The following MEGF6 variants were observed in gnomAD, a reference collection of about 807,000 sequenced individuals.
The protein encoded by MEGF6 is multiple EGF like domains 6.
In MEGF6, 184 loss-of-function variants were observed where a neutral mutation model predicts 207.1. That is an observed-to-expected ratio of 0.89 (90% CI 0.79 to 1.00). The LOEUF (loss-of-function observed/expected upper bound fraction) is 1.00, where lower values mean the gene tolerates loss of function less well. Ranked by LOEUF, MEGF6 falls within the 50% of genes least tolerant of loss-of-function variation. MEGF6 has a pLI of 0.00. For missense variants in MEGF6, 2,282 were observed against 2,202.9 expected, an observed-to-expected ratio of 1.04 and a Z score of -0.72; for synonymous variants, 1,038 against 910.0, an observed-to-expected ratio of 1.14 and a Z score of -2.53.
At position 3,498,469 on chromosome 1, in the gene MEGF6, C is replaced by T. The variant is rs1640707905; in HGVS notation, c.3254G>A (p.Cys1085Tyr). 1 of 1,583,700 alleles carries T rather than the reference C, an allele frequency of 6.3e-7. No homozygotes were observed. The highest frequency in any genetic ancestry group is 1.1e-5 in the South Asian group (1 of 87,996). Residue 1085 changes from cysteine (C) to tyrosine (Y), a missense_variant, in exon 26 of 37, where the codon TGC (cysteine) becomes TAC (tyrosine). Cys to Tyr is a radical substitution (Grantham distance 194). Coordinates refer to ENST00000356575, the MANE Select transcript of MEGF6 (RefSeq NM_001409.4). ...ECLPRDVRAG[C>Y]RHSGGCLNGG... ...GTTGAGGCAACCGCCGCTGTGCCGG[C>T]AGCCAGCTCTGACGTCCCGGGGGAG...
chr1:3,518,131 CTG>C (rs1410793883), intron 5 of MEGF6, among the ~76,000 whole-genome samples: 1 of 152,174 alleles, frequency 6.6e-6, no homozygotes, highest in Middle Eastern at 3.2e-3. Flanking sequence ...CTAAAAAATC[CTG>C]TGTTGGAGCC....
In MEGF6 at chr1:3,490,934, G is replaced by A. The variant is rs1640331075; in HGVS notation, c.4542C>T (p.Asn1514=). 1.9e-6 allele frequency: 3 copies of A among 1,601,592 alleles called. No homozygotes were observed. Among genetic ancestry groups the A allele is most frequent in the Non-Finnish European group, 2.6e-6 (3 of 1,175,692 alleles). The change falls in exon 36 of 37, where the codon AAC becomes AAT. Residue 1514 remains asparagine, a synonymous_variant. Coordinates refer to ENST00000356575, the MANE Select transcript of MEGF6 (RefSeq NM_001409.4). The part of the protein sequence containing the change: ...REGGPLRLPE[N]PSLAQGSAGT... ...TACCTGAGCCCTGGGCTAAGGACGG[G>A]TTCTCGGGGAGCCGGAGGGGCCCAC...
At chr1:3,543,493 G>A (rs1183309309) in intron 4 of MEGF6, among the ~76,000 whole-genome samples, 1 of 152,236 alleles carries the variant, frequency 6.6e-6, no homozygotes, top group African/African-American at 2.4e-5. Context: ...CCTGGCCTTT[G>A]GCAGGGCCCC....
rs769202592 is a variant in MEGF6 at position 3,501,063 on chromosome 1, G to A, written c.2478C>T (p.Cys826=). The stretch of plus-strand genomic sequence containing the variant: ...CATTGGCACAAGAGCACCTTGTCTG[G>A]CAGCTGGGACCATACCAGCCTGCTG... The part of the protein sequence containing the change: ...VCPAGWYGPS[C]QTRCSCANDG... Residue 826 remains cysteine, a synonymous_variant, in exon 20 of 37, where the codon TGC becomes TGT. Transcript: ENST00000356575. 1 of 1,612,760 alleles carries A rather than the reference G, an allele frequency of 6.2e-7. No individual in the cohort carries two copies. Among genetic ancestry groups the A allele is most frequent in the Non-Finnish European group, 8.5e-7 (1 of 1,179,942 alleles).
chr1:3,544,818 G>A (rs757948974), intron 4 of MEGF6, among the ~76,000 whole-genome samples: 9 of 152,222 alleles, frequency 5.9e-5, no homozygotes, highest in Non-Finnish European at 8.8e-5. Context: ...GGAGACAAGC[G>A]GGCTTGGGCC....
intron 6 of MEGF6, 136 bp from the exon 7 acceptor site, chr1:3,514,808 G>T: frequency 9.5e-7 from 1 of 1,055,980 alleles, no homozygotes; most frequent in Non-Finnish European, 1.3e-6. Flanking sequence ...GGGCTGGGCA[G>T]CGGGTCTCCC....
At chr1:3,531,018 AGGGAGCGCGCCG>A (rs985582518) in intron 4 of MEGF6, 1 of 1,428,472 alleles carries the variant, frequency 7.0e-7, no homozygotes, top group South Asian at 1.5e-5. Flanking sequence ...CAGGAAACAA[AGGGAGCGCGCCG>A]GGGAGCGCCC....
At position 3,565,297 on chromosome 1, in the gene MEGF6, G is replaced by A. The variant is rs903350710; in HGVS notation, c.481+14528C>T. Among the ~76,000 whole-genome samples, 3 of 150,172 alleles carry A rather than the reference G, an allele frequency of 2.0e-5. No individual in the cohort carries two copies. Among genetic ancestry groups the A allele is most frequent in the East Asian group, 1.9e-4 (1 of 5,152 alleles). On this transcript the variant is annotated intron_variant, in intron 4 of 36. Coordinates refer to ENST00000356575, the MANE Select transcript of MEGF6 (RefSeq NM_001409.4). This position sits in a 1 kb window ranked among gnomAD's most constrained non-coding sequence, Gnocchi z 4.8. ...CATCAGCAGTGGGTGAGAAACACACGTGCAGAGCCCATCCCCAGACCCCAC... is the reference window on the plus strand; with the variant it reads ...CATCAGCAGTGGGTGAGAAACACACATGCAGAGCCCATCCCCAGACCCCAC...
upstream of MEGF6, among the ~76,000 whole-genome samples, chr1:3,612,599 G>A (rs933579651): frequency 3.3e-5 from 5 of 152,162 alleles, no homozygotes; most frequent in Admixed American, 2.0e-4. Flanking sequence ...CAGCCATGCC[G>A]GTCCCTGCTA....
the MEGF6 span, among the ~76,000 whole-genome samples, chr1:3,617,155 C>T: frequency 2.0e-5 from 3 of 150,838 alleles, no homozygotes; most frequent in African/African-American, 4.9e-5. Context: ...CTCCCACCCC[C>T]GGCTCCTGCC....
rs571632526 is a variant in MEGF6 at position 3,497,610 on chromosome 1, C to A, written c.3353-249G>T. 1,065 of 677,274 alleles carry A rather than the reference C, an allele frequency of 1.6e-3. 5 individuals carry two copies. The African/African-American group carries it at 0.016, about 10-fold the overall frequency. 42.0% of individuals were successfully genotyped at this position (677,274 alleles called of 1,614,324 possible). On this transcript the variant is annotated intron_variant, in intron 26 of 36. Transcript: ENST00000356575. Reference sequence around the variant, plus strand: ...CCCTCACAGTGAGGCCCGAATGTGCCCTTGGCACAGGCTGCAGGGACGAGA... The same window carrying A: ...CCCTCACAGTGAGGCCCGAATGTGCACTTGGCACAGGCTGCAGGGACGAGA...
At chr1:3,493,623 C>T (rs1419489021) in intron 34 of MEGF6, 148 bp downstream of exon 34, 2 of 1,142,174 alleles carry the variant, frequency 1.8e-6, no homozygotes, top group East Asian at 2.6e-5. Context: ...TGACTCCAGC[C>T]CCCCCAGGGG....
chr1:3,588,932 C>T (rs1643936085), intron 3 of MEGF6, among the ~76,000 whole-genome samples: 2 of 152,118 alleles, frequency 1.3e-5, no homozygotes, highest in Admixed American at 6.5e-5. Context: ...TCATGAGGGC[C>T]CCAGGCCTAT....
At chr1:3,593,890 C>T (rs1056074912) in intron 3 of MEGF6, among the ~76,000 whole-genome samples, 4 of 152,306 alleles carry the variant, frequency 2.6e-5, no homozygotes, top group African/African-American at 9.6e-5. Flanking sequence ...ACTCTCCTCC[C>T]TTCCTGGAGA....
At chr1:3,597,717 G>A (rs1221986664) in intron 2 of MEGF6, among the ~76,000 whole-genome samples, 1 of 152,174 alleles carries the variant, frequency 6.6e-6, no homozygotes, top group African/African-American at 2.4e-5. Flanking sequence ...GCAGAAGCTG[G>A]GGGCTGTGAC....
At chr1:3,539,558 G>A (rs1642448954) in intron 4 of MEGF6, among the ~76,000 whole-genome samples, 1 of 152,178 alleles carries the variant, frequency 6.6e-6, no homozygotes, top group Admixed American at 6.5e-5. Context: ...CCCTCCCGAG[G>A]CATCCGCAGT....
chr1:3,561,808 C>T (rs1318427473), intron 4 of MEGF6, among the ~76,000 whole-genome samples: 1 of 152,248 alleles, frequency 6.6e-6, no homozygotes, highest in East Asian at 1.9e-4. Context: ...AGTTTCTCTG[C>T]TTACTCTGAA....
At chr1:3,586,890 G>A (rs143494012) in intron 3 of MEGF6, among the ~76,000 whole-genome samples, 78 of 152,306 alleles carry the variant, frequency 5.1e-4, no homozygotes, top group African/African-American at 1.8e-3. Context: ...CCTCACCCTG[G>A]CACCCCTGAC....
chr1:3,593,067 G>T (rs1644004752), intron 3 of MEGF6, among the ~76,000 whole-genome samples: 1 of 152,134 alleles, frequency 6.6e-6, no homozygotes. Flanking sequence ...AAGGCTCCAG[G>T]GTCCCACATG....
Sources: gnomAD v4.1 joint callset for allele counts (sites outside exome capture counted in the v4.1 genomes callset) on GRCh38, gnomAD v4.1.1 for gene constraint, Gnocchi (gnomAD v3.1) non-coding constraint, MANE v1.5 for transcripts, NCBI Gene and HGNC (gene_info 2026-07-23, HGNC 2026-07-21) for gene names.